Variants in FAM53A observed in about 807,000 individuals in gnomAD.
FAM53A encodes family with sequence similarity 53 member A.
A neutral mutation model predicts 26.6 loss-of-function variants in FAM53A; 28 were observed. The observed-to-expected ratio is 1.05, with a 90% CI of 0.78 to 1.45. The LOEUF (loss-of-function observed/expected upper bound fraction) is 1.45, where lower values mean the gene tolerates loss of function less well. Ranked by LOEUF, FAM53A falls within the 40% of genes most tolerant of loss-of-function variation. The pLI is 0.00. For synonymous variants in FAM53A, 290 were observed against 253.1 expected (o/e 1.15, Z -1.38); for missense variants, 650 against 575.8 (o/e 1.13, Z -1.32).
intron 1 of FAM53A, among the ~76,000 whole-genome samples, chr4:1,669,554 G>A (rs139790692): frequency 7.7e-4 from 117 of 152,346 alleles, no homozygotes; most frequent in African/African-American, 2.5e-3. Context: ...ACCAGCCGAG[G>A]TGCCCAGCAA....
intron 1 of FAM53A, among the ~76,000 whole-genome samples, chr4:1,671,665 G>A (rs73798421): frequency 6.6e-6 from 1 of 152,062 alleles, no homozygotes; most frequent in South Asian, 2.1e-4. Flanking sequence ...CACAGGATGG[G>A]GCTCTATGGC....
chr4:1,574,782 G>A, the FAM53A span, among the ~76,000 whole-genome samples: 5 of 152,238 alleles, frequency 3.3e-5, no homozygotes, highest in African/African-American at 1.2e-4. Context: ...ACGGCAGGTG[G>A]TCAGCGGGCG....
intron 4 of FAM53A, among the ~76,000 whole-genome samples, chr4:1,652,114 C>T (rs1712864454): frequency 8.6e-6 from 1 of 116,248 alleles, no homozygotes; most frequent in African/African-American, 3.3e-5. Flanking sequence ...ACCAGACACA[C>T]ACACGCCACA....
At chr4:1,663,207 G>T (rs1275104293) in intron 2 of FAM53A, among the ~76,000 whole-genome samples, 1 of 152,142 alleles carries the variant, frequency 6.6e-6, no homozygotes, top group Non-Finnish European at 1.5e-5. Flanking sequence ...AAAAAGAGTT[G>T]GAGAAATTAG....
rs371657423 is a variant in FAM53A, at chr4:1,629,874, C to T, written c.432-11763G>A. On this transcript the variant is annotated intron_variant, in intron 1 of 1. Transcript: ENST00000489029. ...TGGCCAGAGGGCTGGCCCAGCTCCA[C>T]CACACACGGCCTCGCTGGGGACAGC... 7.4e-4 allele frequency among the ~76,000 whole-genome samples: 113 copies of T among 152,272 alleles called. 1 individual carries two copies. Among genetic ancestry groups the T allele is most frequent in the African/African-American group, 2.7e-3 (112 of 41,556 alleles).
intron 1 of FAM53A, among the ~76,000 whole-genome samples, chr4:1,672,349 G>GAACCCAGGA (rs1560202064): frequency 7.4e-6 from 1 of 134,632 alleles, no homozygotes; most frequent in Non-Finnish European, 1.6e-5. Context: ...TAGACCCATG[G>GAACCCAGGA]ACCCAGGAAC....
rs1713261189 is a variant in FAM53A at position 1,655,384 on chromosome 4, G to C, written c.476C>G (p.Ala159Gly). ...SKRRCDSGGS[A>G]TRQGSPGAVL... ...GGCGCCGGGGCTTCCCTGCCGCGTG[G>C]CACTCCCGCCGCTGTCGCACCGCCT... Residue 159 changes from alanine to glycine, a missense_variant, in exon 4 of 5, where the codon GCC becomes GGC. Transcript: ENST00000308132. 1 of 1,449,386 alleles carries C rather than the reference G, an allele frequency of 6.9e-7. No individual in the cohort carries two copies. Among genetic ancestry groups the C allele is most frequent in the African/African-American group, 1.5e-5 (1 of 67,672 alleles). The allele number at this position is 1,449,386 out of a possible 1,614,324, so 89.8% of individuals were successfully genotyped here.
intron 1 of FAM53A, among the ~76,000 whole-genome samples, chr4:1,634,654 T>A (rs1220385927): frequency 6.6e-6 from 1 of 152,088 alleles, no homozygotes; most frequent in African/African-American, 2.4e-5. Flanking sequence ...TACCAGAACT[T>A]TGGGAGGCCA....
chr4:1,660,805 C>T (rs1713774375), intron 2 of FAM53A, among the ~76,000 whole-genome samples: 1 of 151,682 alleles, frequency 6.6e-6, no homozygotes, highest in Non-Finnish European at 1.5e-5. Context: ...AGGAGAATGG[C>T]GTGAGGCAGA....
chr4:1,658,746 C>T (rs181271436), intron 2 of FAM53A, among the ~76,000 whole-genome samples: 3 of 152,246 alleles, frequency 2.0e-5, no homozygotes, highest in South Asian at 2.1e-4. Flanking sequence ...CGCACTGGCC[C>T]GTGCAGGCGG....
intron 1 of FAM53A, among the ~76,000 whole-genome samples, chr4:1,627,916 C>T (rs1030147875): frequency 7.9e-5 from 12 of 151,384 alleles, no homozygotes; most frequent in South Asian, 2.1e-4. Context: ...AGCTGATGCC[C>T]GCAGGCAAGT....
intron 1 of FAM53A, among the ~76,000 whole-genome samples, chr4:1,622,354 C>T (rs552319925): frequency 1.5e-4 from 23 of 152,362 alleles, no homozygotes; most frequent in Admixed American, 1.0e-3. Context: ...AGGAGCCCCC[C>T]GGCTGAAGGT....
chr4:1,594,701 G>A, the FAM53A span, among the ~76,000 whole-genome samples: 1 of 152,162 alleles, frequency 6.6e-6, no homozygotes, highest in African/African-American at 2.4e-5. Context: ...AGTTAGCCGG[G>A]TGTGGTGGCT....
At chr4:1,591,818 G>T in the FAM53A span, among the ~76,000 whole-genome samples, 4 of 152,174 alleles carry the variant, frequency 2.6e-5, no homozygotes, top group East Asian at 5.8e-4. Context: ...GCCGCAGGAG[G>T]TCACCCTCCA....
rs1024548930 is a variant in FAM53A, at chr4:1,655,374, C to T, written c.486G>A (p.Gln162=). 1 of 1,446,544 alleles carries T rather than the reference C, an allele frequency of 6.9e-7. No homozygotes were observed. The highest frequency in any genetic ancestry group is 9.1e-7 in the Non-Finnish European group (1 of 1,100,358). 89.6% of individuals were successfully genotyped at this position (1,446,544 alleles called of 1,614,324 possible). ...RCDSGGSATR[Q]GSPGAVLPRS... is the part of the protein sequence containing the mutation. ...TCGGCAGGACGGCGCCGGGGCTTCCCTGCCGCGTGGCACTCCCGCCGCTGT... is the reference window on the plus strand; with the variant it reads ...TCGGCAGGACGGCGCCGGGGCTTCCTTGCCGCGTGGCACTCCCGCCGCTGT... Residue 162 remains glutamine (Q), a synonymous_variant, in exon 4 of 5, where the codon CAG becomes CAA. Coordinates refer to ENST00000308132, the MANE Select transcript of FAM53A (RefSeq NM_001174070.3).
At chr4:1,634,469 T>C (rs1398438658) in intron 1 of FAM53A, among the ~76,000 whole-genome samples, 1 of 152,206 alleles carries the variant, frequency 6.6e-6, no homozygotes, top group Non-Finnish European at 1.5e-5. Flanking sequence ...CCCTCCCCTG[T>C]TCCCATCTGG....
At chr4:1,610,271 T>C in the FAM53A span, among the ~76,000 whole-genome samples, 1 of 145,546 alleles carries the variant, frequency 6.9e-6, no homozygotes, top group Admixed American at 6.8e-5. Flanking sequence ...TCTCCTCCCC[T>C]GGCCCCCAGA....
At chr4:1,648,997 C>T (rs1044659600) in intron 4 of FAM53A, among the ~76,000 whole-genome samples, 1 of 152,148 alleles carries the variant, frequency 6.6e-6, no homozygotes, top group African/African-American at 2.4e-5. Context: ...CCTACAATCC[C>T]AGACACTTGG....
chr4:1,598,238 C>T, the FAM53A span, among the ~76,000 whole-genome samples: 457 of 152,344 alleles, frequency 3.0e-3, 3 homozygotes, highest in African/African-American at 0.011. Flanking sequence ...AGGCCCTGGG[C>T]GGTGGGGAAG....
Sources: gnomAD v4.1 joint callset for allele counts (sites outside exome capture counted in the v4.1 genomes callset) on GRCh38, gnomAD v4.1.1 for gene constraint, MANE v1.5 for transcripts, NCBI Gene and HGNC (gene_info 2026-07-23, HGNC 2026-07-21) for gene names.